Variants in ASAP2 observed in about 807,000 individuals in gnomAD.
ASAP2 encodes ArfGAP with SH3 domain, ankyrin repeat and PH domain 2, also known as arf-GAP with SH3 domain, ANK repeat and PH domain-containing protein 2.
In ASAP2, 45 loss-of-function variants were observed where a neutral mutation model predicts 131.4. That is an observed-to-expected ratio of 0.34 (90% CI 0.27 to 0.44). The LOEUF is 0.44. Ranked by LOEUF, ASAP2 falls within the 20% of genes least tolerant of loss-of-function variation. The probability of loss-of-function intolerance (pLI) is 1.00; values close to 1 mark genes in which losing one functional copy is unlikely to be tolerated. For synonymous variants in ASAP2, 510 were observed against 503.0 expected, an observed-to-expected ratio of 1.01 and a Z score of -0.19; for missense variants, 1,011 against 1,297.0, an observed-to-expected ratio of 0.78 and a Z score of 3.39.
At chr2:9,315,119 G>A (rs1393090289) in intron 3 of ASAP2, among the ~76,000 whole-genome samples, 2 of 152,156 alleles carry the variant, frequency 1.3e-5, no homozygotes, top group Non-Finnish European at 2.9e-5. Flanking sequence ...TAGAATCAGG[G>A]AAGGAGAGAG....
chr2:9,313,982 T>C (rs1353163984), intron 3 of ASAP2, among the ~76,000 whole-genome samples: 2 of 152,176 alleles, frequency 1.3e-5, no homozygotes, highest in African/African-American at 2.4e-5. Context: ...CCTTTGTAAA[T>C]TTATTTTATT....
At chr2:9,218,790 C>CT (rs912577088) in intron 1 of ASAP2, among the ~76,000 whole-genome samples, 11 of 152,260 alleles carry the variant, frequency 7.2e-5, no homozygotes, top group South Asian at 6.2e-4. Context: ...GCCACCCTTG[C>CT]TTTTTTTGGC....
At position 9,368,538 on chromosome 2, in the gene ASAP2, A is replaced by G. The variant is rs546729318; in HGVS notation, c.1556+19A>G. 1.6e-5 allele frequency: 26 copies of G among 1,607,340 alleles called. No homozygotes were observed. The highest frequency in any genetic ancestry group is 6.7e-5 in the East Asian group (3 of 44,864). ...GCGACATGTAAGTATGGGACTGGCTATTCTCATTTGCTGAGTAAAGGTTTG... is the reference window on the plus strand; with the variant it reads ...GCGACATGTAAGTATGGGACTGGCTGTTCTCATTTGCTGAGTAAAGGTTTG... On this transcript the variant is annotated intron_variant, in intron 16 of 27. Coordinates refer to ENST00000281419, the MANE Select transcript of ASAP2 (RefSeq NM_003887.3).
At chr2:9,238,951 G>T (rs1400276098) in intron 1 of ASAP2, among the ~76,000 whole-genome samples, 2 of 152,090 alleles carry the variant, frequency 1.3e-5, no homozygotes, top group African/African-American at 4.8e-5. Flanking sequence ...GCTTTCTCTT[G>T]CTGTACTGTG....
chr2:9,307,982 G>A (rs150149053), intron 3 of ASAP2, among the ~76,000 whole-genome samples: 95 of 152,300 alleles, frequency 6.2e-4, no homozygotes, highest in African/African-American at 2.0e-3. Context: ...GTGCATGCAT[G>A]TGTGTATGAT....
At chr2:9,377,306 G>A (rs563460624) in intron 18 of ASAP2, among the ~76,000 whole-genome samples, 310 of 152,268 alleles carry the variant, frequency 2.0e-3, no homozygotes, top group Non-Finnish European at 3.3e-3. Flanking sequence ...GGCCGTCCTC[G>A]CCTCATCCTG....
chr2:9,351,021 G>A (rs920161149), intron 12 of ASAP2, 126 bp downstream of exon 12: 1 of 650,688 alleles, frequency 1.5e-6, no homozygotes, highest in African/African-American at 1.8e-5. Flanking sequence ...CCTTTTTCTA[G>A]TGATATGCGT....
In ASAP2 at chr2:9,379,073, G is replaced by A. The variant is rs1428800095; in HGVS notation, c.1948+14G>A. On this transcript the variant is annotated intron_variant, in intron 19 of 27. Coordinates refer to ENST00000281419, the MANE Select transcript of ASAP2 (RefSeq NM_003887.3). ...CCATCGAGATAGGTGAGTGGGCCCG[G>A]GCCCCGGGGGTGGGCTCAGCTGCAC... 4 of 1,503,382 alleles carry A rather than the reference G, an allele frequency of 2.7e-6. No homozygotes were observed. Among genetic ancestry groups the A allele is most frequent in the Middle Eastern group, 1.8e-4 (1 of 5,652 alleles). The allele number at this position is 1,503,382 out of a possible 1,614,324, so 93.1% of individuals were successfully genotyped here. A position where few individuals can be genotyped will look rare whatever the true frequency, so the allele number is the denominator to read the frequency against.
chr2:9,227,767 G>A (rs1202230130), intron 1 of ASAP2, among the ~76,000 whole-genome samples: 1 of 152,196 alleles, frequency 6.6e-6, no homozygotes, highest in East Asian at 1.9e-4. Flanking sequence ...GTGAGTACAC[G>A]TGCATATACA....
chr2:9,294,893 G>A (rs1207920876), intron 2 of ASAP2, among the ~76,000 whole-genome samples: 1 of 152,214 alleles, frequency 6.6e-6, no homozygotes, highest in East Asian at 1.9e-4. Context: ...GCAGGACCAT[G>A]GAGGTTGCGT....
intron 15 of ASAP2, among the ~76,000 whole-genome samples, chr2:9,367,499 G>A (rs576021084): frequency 5.3e-4 from 80 of 152,238 alleles, no homozygotes; most frequent in Non-Finnish European, 9.3e-4. Context: ...AGCGGCTCAC[G>A]CCTGTAATCC....
chr2:9,260,144 A>G (rs1158269305), intron 1 of ASAP2, among the ~76,000 whole-genome samples: 1 of 152,210 alleles, frequency 6.6e-6, no homozygotes, highest in Non-Finnish European at 1.5e-5. Context: ...CAAGGCAACA[A>G]TCACTGTATT....
At chr2:9,340,171 C>T (rs62118761) in intron 9 of ASAP2, among the ~76,000 whole-genome samples, 29,058 of 152,112 alleles carry the variant, frequency 0.19, 3,321 homozygotes, top group Non-Finnish European at 0.27. Context: ...TACAGGTACG[C>T]GCCACCACGC....
intron 1 of ASAP2, among the ~76,000 whole-genome samples, chr2:9,210,024 G>T (rs1022229147): frequency 6.6e-6 from 1 of 152,208 alleles, no homozygotes; most frequent in Admixed American, 6.5e-5. Flanking sequence ...CCCTTATCCT[G>T]TACTATGAAA....
At chr2:9,317,566 TCACA>T (rs775407113) in intron 3 of ASAP2, among the ~76,000 whole-genome samples, 55 of 127,306 alleles carry the variant, frequency 4.3e-4, no homozygotes, top group Non-Finnish European at 7.0e-4. Context: ...AATCACACTC[TCACA>T]CACCCACACA....
At position 9,374,800 on chromosome 2, in the gene ASAP2, A is replaced by G. The variant is rs1478882767; in HGVS notation, c.1602A>G (p.Arg534=). 1 of 1,612,676 alleles carries G rather than the reference A, an allele frequency of 6.2e-7. No individual in the cohort carries two copies. The highest frequency in any genetic ancestry group is 8.5e-7 in the Non-Finnish European group (1 of 1,179,656). ...DYITAKYIER[R]YARKKHADNA... is the part of the protein sequence containing the mutation. ...TCACAGCCAAGTACATCGAGAGGAGATACGCAAGGAAGAAGCACGCGGATA... is the reference window on the plus strand; with the variant it reads ...TCACAGCCAAGTACATCGAGAGGAGGTACGCAAGGAAGAAGCACGCGGATA... Residue 534 remains arginine, a synonymous_variant, in exon 17 of 28, where the codon AGA becomes AGG. Coordinates refer to ENST00000281419, the MANE Select transcript of ASAP2 (RefSeq NM_003887.3).
chr2:9,249,893 C>T (rs958212983), intron 1 of ASAP2, among the ~76,000 whole-genome samples: 10 of 152,214 alleles, frequency 6.6e-5, no homozygotes, highest in Non-Finnish European at 1.5e-5. Flanking sequence ...TGGTCCTGCT[C>T]AGGATCTGTG....
intron 18 of ASAP2, among the ~76,000 whole-genome samples, chr2:9,377,549 T>C (rs1422463926): frequency 6.6e-6 from 1 of 152,172 alleles, no homozygotes; most frequent in African/African-American, 2.4e-5. Context: ...GTTTGGGGCA[T>C]ATTGCTTCAG....
chr2:9,248,358 T>C (rs189419856), intron 1 of ASAP2, among the ~76,000 whole-genome samples: 129 of 152,294 alleles, frequency 8.5e-4, no homozygotes, highest in African/African-American at 3.1e-3. Flanking sequence ...GAAAACCCTT[T>C]GGTATCTTGG....
Sources: gnomAD v4.1 joint callset for allele counts (sites outside exome capture counted in the v4.1 genomes callset) on GRCh38, gnomAD v4.1.1 for gene constraint, MANE v1.5 for transcripts, NCBI Gene and HGNC (gene_info 2026-07-23, HGNC 2026-07-21) for gene names.